NOM1: variants seen among roughly 807,000 people sequenced by gnomAD.
NOM1 encodes nucleolar protein with MIF4G domain 1.
In NOM1, 58 loss-of-function variants were observed where a neutral mutation model predicts 73.3. The ratio of observed to expected loss-of-function variants is 0.79; its 90% CI spans 0.64 to 0.99. The LOEUF (loss-of-function observed/expected upper bound fraction) is 0.99, where lower values mean the gene tolerates loss of function less well. Ranked by LOEUF, NOM1 falls within the 50% of genes least tolerant of loss-of-function variation. The pLI is 0.00. For synonymous variants in NOM1, 487 were observed against 446.8 expected (o/e 1.09, Z -1.14); for missense variants, 1,226 against 1,131.9 (o/e 1.08, Z -1.19).
At position 156,965,509 on chromosome 7, in the gene NOM1, T is replaced by G. The variant is rs1318610331; in HGVS notation, c.2034-761T>G. Reference sequence around the variant, plus strand: ...CACGGCCCCAGGTTCTCACGGGTGATGGAGAGTTCTGTTTCGGCATTGCCG... The same window carrying G: ...CACGGCCCCAGGTTCTCACGGGTGAGGGAGAGTTCTGTTTCGGCATTGCCG... On this transcript the variant is annotated intron_variant, in intron 7 of 10. Coordinates refer to ENST00000275820, the MANE Select transcript of NOM1 (RefSeq NM_138400.2). 2.0e-5 allele frequency among the ~76,000 whole-genome samples: 3 copies of G among 152,188 alleles called. No individual in the cohort carries two copies. In the East Asian group the frequency reaches 5.8e-4, roughly 29 times the overall value.
rs775248187 is a variant in NOM1, at chr7:156,950,274, C to G, written c.537C>G (p.Asn179Lys). 109 of 1,613,852 alleles carry G rather than the reference C, an allele frequency of 6.8e-5. 2 individuals are homozygous for G. The highest frequency in any genetic ancestry group is 9.2e-5 in the Non-Finnish European group (108 of 1,179,864). ...AARKRALLAA[N>K]EEEDREIRKL... ...GGAAACGGGCGCTTTTAGCGGCGAA[C>G]GAGGAGGAGGACCGAGAGATCCGAA... Residue 179 changes from asparagine (N) to lysine (K), a missense_variant, in exon 1 of 11, where the codon AAC becomes AAG. Asn to Lys is a moderately conservative substitution (Grantham distance 94). Transcript: ENST00000275820.
chr7:156,961,828 A>G (rs1206363182), intron 4 of NOM1, among the ~76,000 whole-genome samples: 1 of 151,990 alleles, frequency 6.6e-6, no homozygotes, highest in African/African-American at 2.4e-5. Context: ...TGGGAGCAGG[A>G]GCGTAGTAGA....
At chr7:156,952,622 T>G (rs776826865) in intron 2 of NOM1, 24 bp downstream of exon 2, 34 of 1,604,686 alleles carry the variant, frequency 2.1e-5, no homozygotes, top group Admixed American at 6.9e-5. Context: ...GTTGTTACAC[T>G]GTGTCACTTA....
intron 7 of NOM1, 120 bp downstream of exon 7, chr7:156,964,146 C>A: frequency 2.0e-6 from 2 of 1,006,388 alleles, no homozygotes; most frequent in East Asian, 2.6e-5. Context: ...CTGGGCTGTT[C>A]TCATGACCAT....
At chr7:156,968,509 A>C (rs1485882793) in intron 9 of NOM1, among the ~76,000 whole-genome samples, 4 of 152,018 alleles carry the variant, frequency 2.6e-5, no homozygotes, top group Non-Finnish European at 4.4e-5. Flanking sequence ...GCTGACATTC[A>C]GCTAAGATTG....
chr7:156,962,932 CAAAA>C, intron 5 of NOM1, 72 bp from the exon 6 acceptor site: 1 of 1,484,812 alleles, frequency 6.7e-7, no homozygotes, highest in African/African-American at 1.4e-5. Flanking sequence ...TGGTCAAAAA[CAAAA>C]AGCCACCGGT....
rs755130547 is a variant in NOM1, at chr7:156,962,154, C to T, written c.1636C>T (p.Arg546Trp). 56 of 1,612,630 alleles carry T rather than the reference C, an allele frequency of 3.5e-5. No individual in the cohort carries two copies. Among genetic ancestry groups the T allele is most frequent in the Non-Finnish European group, 4.1e-5 (48 of 1,179,012 alleles). Residue 546 changes from arginine to tryptophan, a missense_variant, in exon 5 of 11, where the codon CGG (arginine) becomes TGG (tryptophan). Coordinates refer to ENST00000275820, the MANE Select transcript of NOM1 (RefSeq NM_138400.2). Reference protein sequence around the residue: ...GSEFQDQTRIRFMLETMLALK... With the variant: ...GSEFQDQTRIWFMLETMLALK... ...CATTTTTTCATTTTTCTTGAAGATT[C>T]GGTTTATGCTAGAGACGATGTTGGC... is the stretch of plus-strand genomic sequence containing the variant.
chr7:156,963,769 G>A (rs1168293434), intron 6 of NOM1, 136 bp from the exon 7 acceptor site: 12 of 959,294 alleles, frequency 1.3e-5, no homozygotes, highest in Admixed American at 8.2e-5. Context: ...GGCGTTGCCC[G>A]AGAGTGGACT....
rs190789112 is a variant in NOM1, at chr7:156,958,797, C to T, written c.1309-1054C>T. Reference sequence around the variant, plus strand: ...CCACTTCCGCCCCTCAGGGCAGTGTCTGGTTTACCTGCTGGTCCCCATCAG... The same window carrying T: ...CCACTTCCGCCCCTCAGGGCAGTGTTTGGTTTACCTGCTGGTCCCCATCAG... On this transcript the variant is annotated intron_variant, in intron 3 of 10. Transcript: ENST00000275820. 53 of 152,398 alleles carry T rather than the reference C, an allele frequency of 3.5e-4. 1 individual carries two copies. Among genetic ancestry groups the T allele is most frequent in the Admixed American group, 3.3e-3 (50 of 15,308 alleles). The allele number at this position is 152,398 out of a possible 1,614,324, so 9.4% of individuals were successfully genotyped here. A position where few individuals can be genotyped will look rare whatever the true frequency, so the allele number is the denominator to read the frequency against.
At chr7:156,968,308 G>A (rs551063303) in intron 9 of NOM1, among the ~76,000 whole-genome samples, 3 of 152,238 alleles carry the variant, frequency 2.0e-5, no homozygotes, top group South Asian at 2.1e-4. Context: ...ACCCTCAGGC[G>A]TAGAGCTTTA....
chr7:156,967,121 G>A (rs1403299320), intron 9 of NOM1, 29 bp downstream of exon 9: 2 of 1,605,618 alleles, frequency 1.2e-6, no homozygotes, highest in Non-Finnish European at 1.7e-6. Context: ...AATATTGAAA[G>A]CAATGGAAAT....
intron 5 of NOM1, 129 bp from the exon 6 acceptor site, chr7:156,962,879 A>G: frequency 2.9e-6 from 3 of 1,021,226 alleles, no homozygotes; most frequent in Non-Finnish European, 4.2e-6. Flanking sequence ...AACCGTCCCA[A>G]TTGCCAGTGA....
intron 3 of NOM1, 64 bp downstream of exon 3, chr7:156,954,362 C>T (rs1345370802): frequency 3.1e-5 from 43 of 1,384,166 alleles, no homozygotes; most frequent in Non-Finnish European, 4.0e-5. Flanking sequence ...TAATGATAGG[C>T]TTGATAAGTG....
chr7:156,961,754 TAAA>T (rs1251021339), intron 4 of NOM1, among the ~76,000 whole-genome samples: 1 of 151,762 alleles, frequency 6.6e-6, no homozygotes, highest in African/African-American at 2.4e-5. Context: ...GTTTTAAAGT[TAAA>T]AAAATTACAA....
chr7:156,952,423 C>G, intron 1 of NOM1, 51 bp from the exon 2 acceptor site: 1 of 1,569,936 alleles, frequency 6.4e-7, no homozygotes. Flanking sequence ...AGAAAAAACA[C>G]AGGATTTGGT....
chr7:156,968,809 C>G, intron 9 of NOM1: 1 of 285,470 alleles, frequency 3.5e-6, no homozygotes, highest in Non-Finnish European at 6.5e-6. Context: ...ATTTCTGATT[C>G]ATAAGGTGTA....
rs775319378 is a variant in NOM1, at chr7:156,949,860, C to T, written c.123C>T (p.Ala41=). ...RRGPAGGGEK[A]LKRLKLAVEE... Reference sequence around the variant, plus strand: ...GTCCTGCTGGCGGTGGGGAGAAGGCCCTGAAGAGGCTGAAGCTAGCGGTGG... The same window carrying T: ...GTCCTGCTGGCGGTGGGGAGAAGGCTCTGAAGAGGCTGAAGCTAGCGGTGG... The change falls in exon 1 of 11, where the codon GCC becomes GCT. Residue 41 remains alanine (A), a synonymous_variant. Transcript: ENST00000275820. The T allele has an allele frequency of 1.3e-6, 2 of 1,507,446 alleles. No homozygotes were observed. The highest frequency in any genetic ancestry group is 1.8e-6 in the Non-Finnish European group (2 of 1,128,178). 93.4% of individuals were successfully genotyped at this position (1,507,446 alleles called of 1,614,324 possible). A position where few individuals can be genotyped will look rare whatever the true frequency, so the allele number is the denominator to read the frequency against.
Position 156,963,886 on chromosome 7 carries a change from C to T in NOM1, c.1912-19C>T, listed in dbSNP as rs1421173513. Reference sequence around the variant, plus strand: ...GCATGGAGACATGCGTATGACTTGTCCATTCATCGTGCTTCCAGGTCAGTT... The same window carrying T: ...GCATGGAGACATGCGTATGACTTGTTCATTCATCGTGCTTCCAGGTCAGTT... On this transcript the variant is annotated intron_variant, in intron 6 of 10. Coordinates refer to ENST00000275820, the MANE Select transcript of NOM1 (RefSeq NM_138400.2). 5 of 1,608,426 alleles carry T rather than the reference C, an allele frequency of 3.1e-6. No individual in the cohort carries two copies. Among genetic ancestry groups the T allele is most frequent in the Non-Finnish European group, 4.2e-6 (5 of 1,177,210 alleles).
At position 156,958,488 on chromosome 7, in the gene NOM1, C is replaced by G. The variant is rs1404448402; in HGVS notation, c.1309-1363C>G. On this transcript the variant is annotated intron_variant, in intron 3 of 10. Coordinates refer to ENST00000275820, the MANE Select transcript of NOM1 (RefSeq NM_138400.2). ...CACCATGTCCCTGCTTCCGCCTTCTCCCTCCAGTCCCAGCTTAAGTTGAGA... is the reference window on the plus strand; with the variant it reads ...CACCATGTCCCTGCTTCCGCCTTCTGCCTCCAGTCCCAGCTTAAGTTGAGA... The G allele has an allele frequency of 3.3e-5, 5 of 152,260 alleles. No individual in the cohort carries two copies. In the East Asian group the frequency reaches 9.6e-4, roughly 29 times the overall value. 9.4% of individuals were successfully genotyped at this position (152,260 alleles called of 1,614,324 possible). A position where few individuals can be genotyped will look rare whatever the true frequency, so the allele number is the denominator to read the frequency against.
Sources: gnomAD v4.1 joint callset for allele counts (sites outside exome capture counted in the v4.1 genomes callset) on GRCh38, gnomAD v4.1.1 for gene constraint, MANE v1.5 for transcripts, NCBI Gene and HGNC (gene_info 2026-07-23, HGNC 2026-07-21) for gene names.